The following APBB2 variants were observed in gnomAD, a reference collection of about 807,000 sequenced individuals.
The protein encoded by APBB2 is amyloid beta precursor protein binding family B member 2.
A neutral mutation model predicts 82.5 loss-of-function variants in APBB2; 38 were observed. That is an observed-to-expected ratio of 0.46 (90% CI 0.36 to 0.60). The LOEUF (loss-of-function observed/expected upper bound fraction) is 0.60. APBB2 is among the 20% of genes least tolerant of loss of function. The probability of loss-of-function intolerance (pLI) is 0.00; values close to 1 mark genes in which losing one functional copy is unlikely to be tolerated. For missense variants in APBB2, 772 were observed against 972.3 expected, an observed-to-expected ratio of 0.79 and a Z score of 2.74; for synonymous variants, 341 against 368.2, an observed-to-expected ratio of 0.93 and a Z score of 0.85.
intron 1 of APBB2, among the ~76,000 whole-genome samples, chr4:41,206,222 C>A (rs914174256): frequency 1.3e-5 from 2 of 152,196 alleles, no homozygotes; most frequent in African/African-American, 2.4e-5. Flanking sequence ...ACAAAGGAAG[C>A]AGCTGAAGGG....
At chr4:41,130,440 C>G (rs3098916) in intron 2 of APBB2, among the ~76,000 whole-genome samples, 103,369 of 151,858 alleles carry the variant, frequency 0.68, 36,310 homozygotes, top group East Asian at 0.86. Flanking sequence ...TTGCTGCTTG[C>G]CCTAATTCTA....
At position 40,918,757 on chromosome 4, in the gene APBB2, C is replaced by G. The variant is rs1487855665; in HGVS notation, c.1254+15699G>C. Among the ~76,000 whole-genome samples, 171 of 112,160 alleles carry G rather than the reference C, an allele frequency of 1.5e-3. 1 individual carries two copies. Among genetic ancestry groups the G allele is most frequent in the African/African-American group, 6.2e-3 (165 of 26,540 alleles). The allele number at this position is 112,160 out of a possible 152,430, so 73.6% of individuals were successfully genotyped here. A position where few individuals can be genotyped will look rare whatever the true frequency, so the allele number is the denominator to read the frequency against. ...CCCTCCCTCCTTCCTTATTTTTTCT[C>G]TGTTTTTTTTTTTGTTTGTTTGTTT... is the stretch of plus-strand genomic sequence containing the variant. On this transcript the variant is annotated intron_variant, in intron 10 of 17. Transcript: ENST00000508593.
intron 12 of APBB2, among the ~76,000 whole-genome samples, chr4:40,838,429 G>A (rs1176871067): frequency 7.0e-6 from 1 of 142,376 alleles, no homozygotes; most frequent in African/African-American, 2.7e-5. Flanking sequence ...TCCGCCTCCC[G>A]GGTTCAAGCA....
chr4:41,205,926 T>C (rs1007341180), intron 1 of APBB2, among the ~76,000 whole-genome samples: 7 of 152,192 alleles, frequency 4.6e-5, no homozygotes, highest in African/African-American at 1.7e-4. Context: ...AGAGCAGCAC[T>C]GGGACTTGAC....
chr4:41,091,364 A>G (rs939785803), intron 3 of APBB2, among the ~76,000 whole-genome samples: 2 of 152,252 alleles, frequency 1.3e-5, no homozygotes, highest in African/African-American at 4.8e-5. Context: ...GCTACAAAGT[A>G]TGCTAGCGAA....
chr4:40,932,110 T>C (rs892828127), intron 10 of APBB2, among the ~76,000 whole-genome samples: 3 of 152,188 alleles, frequency 2.0e-5, no homozygotes, highest in African/African-American at 7.2e-5. Flanking sequence ...CCTATTCCTA[T>C]TACAATTCCA....
In APBB2 at chr4:40,815,951, G is replaced by A. The variant is rs1251113909; in HGVS notation, c.*141C>T. The A allele has an allele frequency of 1.7e-5, 16 of 920,604 alleles. No individual in the cohort carries two copies. The Admixed American group carries it at 3.0e-4, about 17-fold the overall frequency. 57.0% of individuals were successfully genotyped at this position (920,604 alleles called of 1,614,324 possible). On this transcript the variant is annotated 3_prime_UTR_variant, in exon 18 of 18. Coordinates refer to ENST00000508593, the MANE Select transcript of APBB2 (RefSeq NM_004307.2). Reference sequence around the variant, plus strand: ...GGTGGCAAGACGAGAGAACATGCTTGTCTAACACTGCTTGGTTAAGGGTAA... The same window carrying A: ...GGTGGCAAGACGAGAGAACATGCTTATCTAACACTGCTTGGTTAAGGGTAA...
chr4:40,918,748 A>T (rs1277333164), intron 10 of APBB2, among the ~76,000 whole-genome samples: 1,968 of 68,632 alleles, frequency 0.029, no homozygotes, highest in Middle Eastern at 0.06. Context: ...CTCCTTCCTT[A>T]TTTTTTCTCT....
intron 6 of APBB2, among the ~76,000 whole-genome samples, chr4:40,961,880 C>T (rs1044100035): frequency 6.6e-6 from 1 of 152,072 alleles, no homozygotes; most frequent in African/African-American, 2.4e-5. Flanking sequence ...GCAGACACTG[C>T]ATTGGGCTTA....
At chr4:41,087,859 G>A (rs951986197) in intron 3 of APBB2, among the ~76,000 whole-genome samples, 1 of 152,202 alleles carries the variant, frequency 6.6e-6, no homozygotes, top group Non-Finnish European at 1.5e-5. Flanking sequence ...TTCTGCCATT[G>A]TATTTCAAAA....
Position 40,932,664 on chromosome 4 carries a change from G to A in APBB2, c.1254+1792C>T, listed in dbSNP as rs564749406. Among the ~76,000 whole-genome samples, 11 of 152,226 alleles carry A rather than the reference G, an allele frequency of 7.2e-5. No individual in the cohort carries two copies. In the South Asian group the frequency reaches 2.3e-3, roughly 32 times the overall value. ...CAGGAGGGTGAAGGGGAGGGGAGGG[G>A]AAGGTGCTGAAGTAGACAAGGTGGA... On this transcript the variant is annotated intron_variant, in intron 10 of 17. Coordinates refer to ENST00000508593, the MANE Select transcript of APBB2 (RefSeq NM_004307.2).
At chr4:41,132,920 AT>A (rs920147176) in intron 2 of APBB2, among the ~76,000 whole-genome samples, 36 of 151,772 alleles carry the variant, frequency 2.4e-4, no homozygotes, top group Non-Finnish European at 4.4e-4. Context: ...AGCTATCCCG[AT>A]TTTTTTTTAA....
chr4:41,145,486 C>CAGA (rs892806628), intron 1 of APBB2, among the ~76,000 whole-genome samples: 1 of 152,102 alleles, frequency 6.6e-6, no homozygotes, highest in Non-Finnish European at 1.5e-5. Context: ...CCAGCAAAAC[C>CAGA]AGAAGAAGAA....
intron 12 of APBB2, chr4:40,880,412 T>C (rs992472971): frequency 1.0e-4 from 99 of 985,328 alleles, no homozygotes; most frequent in Non-Finnish European, 1.1e-4. Flanking sequence ...AACTCGTGTA[T>C]GAAAAGTGGT....
Position 40,934,683 on chromosome 4 carries a change from G to A in APBB2, c.1124C>T (p.Thr375Ile), listed in dbSNP as rs1784977490. The A allele has an allele frequency of 8.1e-6, 13 of 1,613,432 alleles. No homozygotes were observed. Among genetic ancestry groups the A allele is most frequent in the Non-Finnish European group, 9.3e-6 (11 of 1,179,482 alleles). Residue 375 changes from threonine (T) to isoleucine (I), a missense_variant, in exon 9 of 18, where the codon ACT becomes ATT. Thr to Ile is a moderately conservative substitution (Grantham distance 89). Transcript: ENST00000508593. ...TTTTAAACTGGGGTCCGGGTTAACA[G>A]TGGCTGCATGCAAATCCTAGAGGAA... ...SDIWKDLHAATVNPDPSLKEF... is the reference protein window; with the variant it reads ...SDIWKDLHAAIVNPDPSLKEF...
At chr4:40,918,023 G>GC (rs1780265735) in intron 10 of APBB2, among the ~76,000 whole-genome samples, 1 of 152,206 alleles carries the variant, frequency 6.6e-6, no homozygotes, top group Non-Finnish European at 1.5e-5. Flanking sequence ...CCATGACAAT[G>GC]CAATACAGCT....
In APBB2 at chr4:40,964,372, A is replaced by G. The variant is rs6848949; in HGVS notation, c.836-19299T>C. Among the ~76,000 whole-genome samples, 702 of 152,166 alleles carry G rather than the reference A, an allele frequency of 4.6e-3. 10 individuals carry two copies. Among genetic ancestry groups the G allele is most frequent in the African/African-American group, 0.016 (669 of 41,416 alleles). ...ACCTACCTGTCATCTGATTCAACCA[A>G]CAATTGCAATGCTGTGTTTTTCACT... On this transcript the variant is annotated intron_variant, in intron 6 of 17. Transcript: ENST00000508593.
At chr4:41,076,495 C>T (rs567006249) in intron 3 of APBB2, among the ~76,000 whole-genome samples, 1 of 152,258 alleles carries the variant, frequency 6.6e-6, no homozygotes, top group Admixed American at 6.5e-5. Context: ...CTCCACAGCC[C>T]CTTCCTCTGC....
At chr4:41,135,051 T>C (rs1272294442) in intron 2 of APBB2, among the ~76,000 whole-genome samples, 1 of 151,912 alleles carries the variant, frequency 6.6e-6, no homozygotes, top group African/African-American at 2.4e-5. Context: ...TTCTTATTTC[T>C]AGGAGAATTC....
Sources: allele counts gnomAD v4.1 joint callset (sites outside exome capture counted in the v4.1 genomes callset), GRCh38; gene constraint gnomAD v4.1.1; transcripts MANE v1.5; gene names NCBI Gene and HGNC (gene_info 2026-07-23, HGNC 2026-07-21).